The following KAT2B variants were observed in gnomAD, a reference collection of about 807,000 sequenced individuals.
KAT2B encodes the protein lysine acetyltransferase 2B, also known as histone acetyltransferase KAT2B.
KAT2B carries 36 observed loss-of-function variants against 105.9 expected under a neutral mutation model. That is an observed-to-expected ratio of 0.34 (90% CI 0.26 to 0.45). The LOEUF (loss-of-function observed/expected upper bound fraction) is 0.45, where lower values mean the gene tolerates loss of function less well. Among genes scored for constraint, KAT2B ranks in the 20% least tolerant of loss-of-function variants. KAT2B has a pLI of 1.00. For missense variants in KAT2B, 820 were observed against 1,021.6 expected (o/e 0.80, Z 2.69); for synonymous variants, 397 against 377.9 (o/e 1.05, Z -0.59).
intron 3 of KAT2B, among the ~76,000 whole-genome samples, chr3:20,098,321 CAAA>C (rs139131784): frequency 9.9e-4 from 150 of 152,060 alleles, no homozygotes; most frequent in Non-Finnish European, 1.8e-3. Flanking sequence ...TTAGTGCTTA[CAAA>C]TGTGGCGCTG....
chr3:20,064,402 G>T (rs1026998495), intron 1 of KAT2B, among the ~76,000 whole-genome samples: 3 of 152,150 alleles, frequency 2.0e-5, no homozygotes, highest in African/African-American at 7.2e-5. Flanking sequence ...ATATATTATT[G>T]TTAACTATAG....
intron 13 of KAT2B, among the ~76,000 whole-genome samples, chr3:20,142,378 T>A (rs966657610): frequency 9.1e-4 from 138 of 152,248 alleles, no homozygotes; most frequent in African/African-American, 3.2e-3. Flanking sequence ...TAAAAATATA[T>A]TTGGATTCAT....
At chr3:20,063,441 C>CT (rs1378907780) in intron 1 of KAT2B, among the ~76,000 whole-genome samples, 26 of 143,340 alleles carry the variant, frequency 1.8e-4, no homozygotes, top group Non-Finnish European at 2.9e-4. Flanking sequence ...TTCTTTCTTT[C>CT]TTTTTTTTTC....
rs1002622599 is a variant in KAT2B at position 20,153,693 on chromosome 3, C to G, written c.*1168C>G. Reference sequence around the variant, plus strand: ...ACTACATAGAAAAGTGAGACATCTGCCATTCCCAACTCTGGGAAAACCAAC... The same window carrying G: ...ACTACATAGAAAAGTGAGACATCTGGCATTCCCAACTCTGGGAAAACCAAC... On this transcript the variant is annotated 3_prime_UTR_variant, in exon 18 of 18. Transcript: ENST00000263754. 1 of 152,548 alleles carries G rather than the reference C, an allele frequency of 6.6e-6. No homozygotes were observed. 9.4% of individuals were successfully genotyped at this position (152,548 alleles called of 1,614,324 possible).
At chr3:20,046,145 T>G (rs1467631851) in intron 1 of KAT2B, among the ~76,000 whole-genome samples, 1 of 152,190 alleles carries the variant, frequency 6.6e-6, no homozygotes, top group East Asian at 1.9e-4. Flanking sequence ...GCTGGCTAAA[T>G]AAACGGAATT....
At chr3:20,066,581 T>C (rs1200923978) in intron 1 of KAT2B, among the ~76,000 whole-genome samples, 1 of 151,888 alleles carries the variant, frequency 6.6e-6, no homozygotes, top group Admixed American at 6.6e-5. Context: ...GTGTTTTTAT[T>C]AGAGACAGGG....
rs1490521805 is a variant in KAT2B, at chr3:20,047,423, C to T, written c.303+6643C>T. ...GACTAACACTTAAAATCTGAAAAAT[C>T]TCACTTCGTGAATCATGGGCATATA... On this transcript the variant is annotated intron_variant, in intron 1 of 17. Coordinates refer to ENST00000263754, the MANE Select transcript of KAT2B (RefSeq NM_003884.5). Among the ~76,000 whole-genome samples, 5 of 151,958 alleles carry T rather than the reference C, an allele frequency of 3.3e-5. 1 individual carries two copies. The South Asian group carries it at 1.0e-3, about 32-fold the overall frequency.
chr3:20,140,552 G>C (rs1012196350), intron 13 of KAT2B, among the ~76,000 whole-genome samples, 188 bp downstream of exon 13: 2 of 152,160 alleles, frequency 1.3e-5, no homozygotes, highest in Non-Finnish European at 2.9e-5. Flanking sequence ...CTGGAGTGCA[G>C]TGGCACTATC....
In KAT2B at chr3:20,046,736, AT is replaced by A. The variant is rs1186207124; in HGVS notation, c.303+5959del. On this transcript the variant is annotated intron_variant, in intron 1 of 17. Transcript: ENST00000263754. ...TGGAGAGCGCCCCCAACACCTTTGT[AT>A]TTGTCAGTCACTCCCCCAGAGAGCA... Among the ~76,000 whole-genome samples, 5 of 152,206 alleles carry A rather than the reference AT, an allele frequency of 3.3e-5. No homozygotes were observed. In the East Asian group the frequency reaches 9.7e-4, roughly 29 times the overall value.
chr3:20,073,725 T>TATA, intron 2 of KAT2B, among the ~76,000 whole-genome samples: 1 of 151,570 alleles, frequency 6.6e-6, no homozygotes, highest in South Asian at 2.1e-4. Context: ...AAAAAATAAA[T>TATA]AAATAAAACA....
At chr3:20,125,869 G>C (rs1327354947) in intron 9 of KAT2B, 36 bp from the exon 10 acceptor site, 6 of 1,537,700 alleles carry the variant, frequency 3.9e-6, no homozygotes, top group Non-Finnish European at 5.4e-6. Context: ...TGAGAGAATA[G>C]CTCTGTGTAA....
intron 11 of KAT2B, among the ~76,000 whole-genome samples, chr3:20,131,010 CTTTTTTTTTTT>C (rs148208028): frequency 0.028 from 2,114 of 74,792 alleles, 87 homozygotes; most frequent in African/African-American, 0.095. Context: ...GTTTCCTGGC[CTTTTTTTTTTT>C]TTTTTTTTTT....
rs568659183 is a variant in KAT2B at position 20,148,279 on chromosome 3, G to A, written c.2193G>A (p.Thr731=). ...EPRDPDQLYS[T]LKSILQQVKS... ...GAGACCCTGACCAGCTTTACAGCACGCTCAAGAGCATCCTCCAGCAGGTGA... is the reference window on the plus strand; with the variant it reads ...GAGACCCTGACCAGCTTTACAGCACACTCAAGAGCATCCTCCAGCAGGTGA... Residue 731 remains threonine, a synonymous_variant, in exon 16 of 18, where the codon ACG becomes ACA. Coordinates refer to ENST00000263754, the MANE Select transcript of KAT2B (RefSeq NM_003884.5). The A allele has an allele frequency of 7.4e-6, 12 of 1,613,968 alleles. No individual in the cohort carries two copies. The highest frequency in any genetic ancestry group is 1.3e-5 in the African/African-American group (1 of 74,994).
chr3:20,040,840 CCCTCCCCCTCCCGCTTCCA>C, intron 1 of KAT2B, 60 bp downstream of exon 1: 1 of 1,478,938 alleles, frequency 6.8e-7, no homozygotes, highest in Non-Finnish European at 8.9e-7. Flanking sequence ...CGCGGGACCC[CCCTCCCCCTCCCGCTTCCA>C]CCTCCGCCTC....
chr3:20,107,505 A>C (rs1699042322), intron 5 of KAT2B, among the ~76,000 whole-genome samples: 1 of 151,266 alleles, frequency 6.6e-6, no homozygotes, highest in African/African-American at 2.4e-5. Flanking sequence ...TAAAAATACA[A>C]AAATTAGCCA....
In KAT2B at chr3:20,122,807, C is replaced by CCT; in HGVS notation, c.1413+3_1413+4insCT. 6.2e-7 allele frequency: 1 copy of CCT among 1,608,828 alleles called. No homozygotes were observed. The highest frequency in any genetic ancestry group is 8.5e-7 in the Non-Finnish European group (1 of 1,176,774). ...CTGCAGCAATGCTTGGACCAGAGGT[C>CCT]AGCAGGGTAAACCTGGGCAGCCAGC... On this transcript the variant is annotated splice_donor_region_variant and intron_variant, in intron 9 of 17. Coordinates refer to ENST00000263754, the MANE Select transcript of KAT2B (RefSeq NM_003884.5).
chr3:20,086,336 C>T (rs183542974), intron 2 of KAT2B, among the ~76,000 whole-genome samples: 74 of 152,224 alleles, frequency 4.9e-4, no homozygotes, highest in Non-Finnish European at 9.6e-4. Context: ...TGGTGGCTTA[C>T]ACCTGTAATT....
Position 20,140,267 on chromosome 3 carries a change from A to C in KAT2B, c.1907A>C (p.Tyr636Ser). Reference sequence around the variant, plus strand: ...ATACCTAAAACCAAATATGTTGGCTATATCAAGGATTATGAAGGAGCCACT... The same window carrying C: ...ATACCTAAAACCAAATATGTTGGCTCTATCAAGGATTATGAAGGAGCCACT... ...IKIPKTKYVGYIKDYEGATLM... is the reference protein window; with the variant it reads ...IKIPKTKYVGSIKDYEGATLM... Residue 636 changes from tyrosine (Y) to serine (S), a missense_variant, in exon 13 of 18, where the codon TAT (tyrosine) becomes TCT (serine). By Grantham distance (144) the Tyr-to-Ser change is moderately radical. Transcript: ENST00000263754. 3 of 1,611,048 alleles carry C rather than the reference A, an allele frequency of 1.9e-6. No individual in the cohort carries two copies. Among genetic ancestry groups the C allele is most frequent in the Non-Finnish European group, 2.5e-6 (3 of 1,177,252 alleles).
rs750355554 is a variant in KAT2B, at chr3:20,101,356, T to C, written c.739T>C (p.Leu247=). Residue 247 remains leucine (L), a synonymous_variant, in exon 5 of 18, where the codon TTG becomes CTG. Coordinates refer to ENST00000263754, the MANE Select transcript of KAT2B (RefSeq NM_003884.5). ...AAAAGAAAGGCAAACAATAGTTGAGTTGGCAAAAATGTTCCTAAACCGCAT... is the reference window on the plus strand; with the variant it reads ...AAAAGAAAGGCAAACAATAGTTGAGCTGGCAAAAATGTTCCTAAACCGCAT... ...PAKERQTIVE[L]AKMFLNRINY... is the part of the protein sequence containing the mutation. The C allele has an allele frequency of 1.3e-5, 21 of 1,613,904 alleles. No homozygotes were observed. Among genetic ancestry groups the C allele is most frequent in the African/African-American group, 9.3e-5 (7 of 74,908 alleles).
Sources: gnomAD v4.1 joint callset for allele counts (sites outside exome capture counted in the v4.1 genomes callset) on GRCh38, gnomAD v4.1.1 for gene constraint, MANE v1.5 for transcripts, NCBI Gene and HGNC (gene_info 2026-07-23, HGNC 2026-07-21) for gene names.